The following NKAIN3 variants were observed in gnomAD, a reference collection of about 807,000 sequenced individuals.
NKAIN3 encodes sodium/potassium-transporting ATPase subunit beta-1-interacting protein 3.
NKAIN3 carries 25 observed loss-of-function variants against 30.2 expected under a neutral mutation model. The observed-to-expected ratio is 0.83, with a 90% CI of 0.60 to 1.16. The LOEUF (loss-of-function observed/expected upper bound fraction) is 1.16. NKAIN3 is among the 50% of genes most tolerant of loss of function. NKAIN3 has a pLI of 0.00. For missense variants in NKAIN3, 225 were observed against 254.1 expected (o/e 0.89, Z 0.78); for synonymous variants, 91 against 89.6 (o/e 1.02, Z -0.09).
intron 5 of NKAIN3, among the ~76,000 whole-genome samples, chr8:62,923,966 G>A (rs1449077549): frequency 6.6e-6 from 1 of 152,206 alleles, no homozygotes; most frequent in Non-Finnish European, 1.5e-5. Context: ...GGGAAAGATA[G>A]AGAAGCCCCT....
intron 4 of NKAIN3, among the ~76,000 whole-genome samples, chr8:62,846,989 C>A (rs1819707318): frequency 6.6e-6 from 1 of 152,112 alleles, no homozygotes; most frequent in Admixed American, 6.6e-5. Flanking sequence ...ATGGCAGAAA[C>A]TGCCCCCGTG....
chr8:62,937,394 C>T (rs924477151), intron 5 of NKAIN3, among the ~76,000 whole-genome samples: 2 of 152,136 alleles, frequency 1.3e-5, no homozygotes, highest in African/African-American at 2.4e-5. Flanking sequence ...TCCAACCACA[C>T]ATCCTCACTG....
intron 1 of NKAIN3, among the ~76,000 whole-genome samples, chr8:62,467,506 A>G (rs1806198380): frequency 6.6e-6 from 1 of 152,188 alleles, no homozygotes; most frequent in South Asian, 2.1e-4. Context: ...TCTGTCATAA[A>G]TGTATCTGAA....
chr8:62,532,696 T>C (rs1808524612), intron 1 of NKAIN3, among the ~76,000 whole-genome samples: 1 of 152,208 alleles, frequency 6.6e-6, no homozygotes, highest in African/African-American at 2.4e-5. Context: ...CTCATTGTTA[T>C]CCCGCTCTGC....
chr8:62,802,007 G>T (rs1818081656), intron 4 of NKAIN3, among the ~76,000 whole-genome samples: 1 of 152,212 alleles, frequency 6.6e-6, no homozygotes, highest in African/African-American at 2.4e-5. Context: ...TCAACTGGAA[G>T]AAAGGGTATC....
intron 3 of NKAIN3, among the ~76,000 whole-genome samples, chr8:62,708,009 T>G (rs1327501710): frequency 1.3e-5 from 2 of 152,128 alleles, no homozygotes; most frequent in African/African-American, 4.8e-5. Context: ...TGTTTTTGTT[T>G]GTTTTGTCAA....
At chr8:62,474,033 G>C (rs550741285) in intron 1 of NKAIN3, 2 of 152,188 alleles carry the variant, frequency 1.3e-5, no homozygotes, top group East Asian at 1.9e-4. Flanking sequence ...GAGACTTGTT[G>C]TCCTCATGAC....
At chr8:62,822,851 T>C (rs780699626) in intron 4 of NKAIN3, among the ~76,000 whole-genome samples, 2 of 152,200 alleles carry the variant, frequency 1.3e-5, no homozygotes, top group East Asian at 1.9e-4. Context: ...CCTCCACACA[T>C]CTAGATGGCA....
At chr8:62,765,338 G>A (rs1329115037) in intron 4 of NKAIN3, among the ~76,000 whole-genome samples, 5 of 151,396 alleles carry the variant, frequency 3.3e-5, no homozygotes, top group African/African-American at 1.2e-4. Context: ...GGAAATCAGA[G>A]CATGAGTGTG....
chr8:62,765,389 C>T (rs767031250), intron 4 of NKAIN3, among the ~76,000 whole-genome samples: 2 of 152,138 alleles, frequency 1.3e-5, no homozygotes, highest in Non-Finnish European at 2.9e-5. Context: ...TCTAGAACCC[C>T]TTCTCAACCT....
At chr8:62,299,043 A>G (rs1813945248) in intron 1 of NKAIN3, among the ~76,000 whole-genome samples, 1 of 151,996 alleles carries the variant, frequency 6.6e-6, no homozygotes, top group Admixed American at 6.6e-5. Context: ...AAAAGTATAG[A>G]GATGAGAAGA....
At chr8:62,693,553 G>A (rs1450093018) in intron 3 of NKAIN3, among the ~76,000 whole-genome samples, 1 of 152,180 alleles carries the variant, frequency 6.6e-6, no homozygotes, top group East Asian at 1.9e-4. Context: ...TACACACAAT[G>A]AACACTGAAA....
intron 4 of NKAIN3, among the ~76,000 whole-genome samples, chr8:62,813,100 G>C (rs1010137583): frequency 1.3e-4 from 20 of 152,014 alleles, no homozygotes; most frequent in Admixed American, 7.2e-4. Flanking sequence ...ATTAAAAAGG[G>C]TGTGTCCTTT....
At position 62,972,724 on chromosome 8, in the gene NKAIN3, G is replaced by T. The variant is rs892341863; in HGVS notation, c.*7317G>T. On this transcript the variant is annotated 3_prime_UTR_variant, in exon 7 of 7. Coordinates refer to ENST00000623646, the MANE Select transcript of NKAIN3 (RefSeq NM_001304533.3). Reference sequence around the variant, plus strand: ...AAGTTCTGGGATACATGTGCAGAATGTGCAGGTTTGTTACATAGGTATACA... The same window carrying T: ...AAGTTCTGGGATACATGTGCAGAATTTGCAGGTTTGTTACATAGGTATACA... Among the ~76,000 whole-genome samples, 5 of 152,084 alleles carry T rather than the reference G, an allele frequency of 3.3e-5. No individual in the cohort carries two copies. Among genetic ancestry groups the T allele is most frequent in the Non-Finnish European group, 7.4e-5 (5 of 68,004 alleles).
chr8:62,755,837 C>A (rs1284044708), intron 4 of NKAIN3, among the ~76,000 whole-genome samples: 5 of 152,120 alleles, frequency 3.3e-5, no homozygotes, highest in East Asian at 1.9e-4. Flanking sequence ...CCCAAGGAAT[C>A]ATTTATTGGA....
At chr8:62,744,979 G>A (rs981519626) in intron 3 of NKAIN3, among the ~76,000 whole-genome samples, 1 of 152,094 alleles carries the variant, frequency 6.6e-6, no homozygotes, top group African/African-American at 2.4e-5. Context: ...GAAGAAAATC[G>A]AAAACTGCAT....
At chr8:62,697,132 C>T (rs1347394847) in intron 3 of NKAIN3, among the ~76,000 whole-genome samples, 1 of 152,126 alleles carries the variant, frequency 6.6e-6, no homozygotes, top group Middle Eastern at 3.2e-3. Context: ...ACCATTGCAG[C>T]CCCTAATCAA....
At chr8:62,400,526 A>T (rs1399407282) in intron 1 of NKAIN3, among the ~76,000 whole-genome samples, 1 of 152,106 alleles carries the variant, frequency 6.6e-6, no homozygotes, top group African/African-American at 2.4e-5. Flanking sequence ...TAGAAGTATG[A>T]ACCATAGGGG....
chr8:62,676,505 C>T (rs1813478953), intron 3 of NKAIN3, among the ~76,000 whole-genome samples: 1 of 152,192 alleles, frequency 6.6e-6, no homozygotes, highest in African/African-American at 2.4e-5. Flanking sequence ...GGAGGCGGAG[C>T]TCGCAGTGAG....
Sources: gnomAD v4.1 joint callset for allele counts (sites outside exome capture counted in the v4.1 genomes callset) on GRCh38, gnomAD v4.1.1 for gene constraint, MANE v1.5 for transcripts, NCBI Gene and HGNC (gene_info 2026-07-23, HGNC 2026-07-21) for gene names.